The following STK17B variants were observed in gnomAD, a reference collection of about 807,000 sequenced individuals.
STK17B encodes the protein serine/threonine-protein kinase 17B.
In STK17B, 21 loss-of-function variants were observed where a neutral mutation model predicts 42.0. That is an observed-to-expected ratio of 0.50 (90% confidence interval 0.35 to 0.72). STK17B has a LOEUF of 0.72. Ranked by LOEUF, STK17B falls within the 30% of genes least tolerant of loss-of-function variation. The pLI is 0.00. For synonymous variants in STK17B, 143 were observed against 148.4 expected (o/e 0.96, Z 0.26); for missense variants, 349 against 446.0 (o/e 0.78, Z 1.96).
At chr2:196,162,676 T>C (rs1025323701) in intron 2 of STK17B, among the ~76,000 whole-genome samples, 3 of 151,894 alleles carry the variant, frequency 2.0e-5, no homozygotes, top group Non-Finnish European at 2.9e-5. Context: ...GGCCAGAGGA[T>C]TGCTTGAACC....
intron 3 of STK17B, chr2:196,156,111 C>G (rs933114646): frequency 5.8e-6 from 1 of 172,176 alleles, no homozygotes; most frequent in Admixed American, 6.2e-5. Flanking sequence ...AGAAAATATA[C>G]AAATTACTTC....
At chr2:196,147,146 C>T (rs1486995636) in intron 3 of STK17B, among the ~76,000 whole-genome samples, 2 of 152,092 alleles carry the variant, frequency 1.3e-5, no homozygotes, top group Non-Finnish European at 2.9e-5. Context: ...ATTAGAACAT[C>T]ATGCAAAAAC....
At chr2:196,153,413 G>C (rs2105698020) in intron 3 of STK17B, 1 of 152,294 alleles carries the variant, frequency 6.6e-6, no homozygotes, top group Non-Finnish European at 1.5e-5. Flanking sequence ...TGCATATATA[G>C]AATGTGAGAA....
upstream of STK17B, among the ~76,000 whole-genome samples, chr2:196,175,396 C>A (rs189191369): frequency 1.3e-5 from 2 of 152,200 alleles, no homozygotes; most frequent in Non-Finnish European, 1.5e-5. Flanking sequence ...GAGGCCAAGG[C>A]GGGCAGATGA....
rs1699565989 is a variant in STK17B at position 196,145,878 on chromosome 2, G to A, written c.480+33C>T. The A allele has an allele frequency of 2.0e-6, 3 of 1,527,918 alleles. No individual in the cohort carries two copies. The South Asian group carries it at 3.9e-5, about 20-fold the overall frequency. 94.6% of individuals were successfully genotyped at this position (1,527,918 alleles called of 1,614,324 possible). A position where few individuals can be genotyped will look rare whatever the true frequency, so the allele number is the denominator to read the frequency against. On this transcript the variant is annotated intron_variant, in intron 4 of 7. Transcript: ENST00000263955. Reference sequence around the variant, plus strand: ...ATACTAAGAGCAGAAGAAGAACACAGATGTTGCATTACTTTAAATCACGTT... The same window carrying A: ...ATACTAAGAGCAGAAGAAGAACACAAATGTTGCATTACTTTAAATCACGTT...
Position 196,163,247 on chromosome 2 carries a change from A to G in STK17B, c.122+15T>C. ...TTTGAATTTAGATGGCATACACGTCATATGGTTTTCTTACCTCCCTAGCTC... is the reference window on the plus strand; with the variant it reads ...TTTGAATTTAGATGGCATACACGTCGTATGGTTTTCTTACCTCCCTAGCTC... On this transcript the variant is annotated intron_variant, in intron 2 of 7. Transcript: ENST00000263955. 1 of 1,608,708 alleles carries G rather than the reference A, an allele frequency of 6.2e-7. No homozygotes were observed.
Position 196,163,193 on chromosome 2 carries a change from T to C in STK17B, c.122+69A>G, listed in dbSNP as rs891799110. 3.9e-5 allele frequency: 60 copies of C among 1,549,844 alleles called. No individual in the cohort carries two copies. In the East Asian group the frequency reaches 1.3e-3, roughly 34 times the overall value. ...TTAAATAATGATCCCAAGTGAGTTTTATAGAATTATAAAAACACAAATCCA... is the reference window on the plus strand; with the variant it reads ...TTAAATAATGATCCCAAGTGAGTTTCATAGAATTATAAAAACACAAATCCA... On this transcript the variant is annotated intron_variant, in intron 2 of 7. Transcript: ENST00000263955.
chr2:196,133,819 A>G lies in STK17B; in HGVS notation c.*3628T>C, dbSNP rs1442874827. 1 of 152,240 alleles carries G rather than the reference A, an allele frequency of 6.6e-6. No homozygotes were observed. The highest frequency in any genetic ancestry group is 2.4e-5 in the African/African-American group (1 of 41,466). The allele number at this position is 152,240 out of a possible 1,614,324, so 9.4% of individuals were successfully genotyped here. ...CTGTCTATATGCCTTAAGCAAGATT[A>G]TTATTTAATAAAATATGGCAGGAAG... is the stretch of plus-strand genomic sequence containing the variant. On this transcript the variant is annotated 3_prime_UTR_variant, in exon 8 of 8. Transcript: ENST00000263955.
intron 5 of STK17B, among the ~76,000 whole-genome samples, chr2:196,142,962 A>C (rs187332740): frequency 1.8e-3 from 269 of 152,354 alleles, no homozygotes; most frequent in African/African-American, 5.9e-3. Flanking sequence ...TGCATAATCT[A>C]ATTTGTTGAT....
chr2:196,152,794 CAT>C (rs1699683504), intron 3 of STK17B, among the ~76,000 whole-genome samples: 1 of 151,894 alleles, frequency 6.6e-6, no homozygotes, highest in Non-Finnish European at 1.5e-5. Flanking sequence ...CAAGAAGAAA[CAT>C]ATAAAGAATG....
chr2:196,150,873 C>T (rs1432903607), intron 3 of STK17B, among the ~76,000 whole-genome samples: 1 of 152,220 alleles, frequency 6.6e-6, no homozygotes, highest in Non-Finnish European at 1.5e-5. Flanking sequence ...GAATACCAAT[C>T]TCCCTTTTTG....
At chr2:196,143,814 T>C in intron 4 of STK17B, 128 bp from the exon 5 acceptor site, 2 of 799,760 alleles carry the variant, frequency 2.5e-6, no homozygotes, top group Non-Finnish European at 1.7e-6. Flanking sequence ...GCATCAAACA[T>C]TTACTGACTT....
In STK17B at chr2:196,140,176, A is replaced by G. The variant is rs1699473224; in HGVS notation, c.657-377T>C. Among the ~76,000 whole-genome samples, 5 of 152,376 alleles carry G rather than the reference A, an allele frequency of 3.3e-5. No homozygotes were observed. The South Asian group carries it at 1.0e-3, about 32-fold the overall frequency. ...GAGGTTCTGCACAAATAGAGGCTGC[A>G]AGTTTGGCGAAGCACAAAGCTGGGC... On this transcript the variant is annotated intron_variant, in intron 6 of 7. Coordinates refer to ENST00000263955, the MANE Select transcript of STK17B (RefSeq NM_004226.4).
chr2:196,137,594 C>G lies in STK17B; in HGVS notation c.972G>C (p.Lys324Asn). Residue 324 changes from lysine (K) to asparagine (N), a missense_variant, in exon 8 of 8, where the codon AAG (lysine) becomes AAC (asparagine). Lys to Asn is a moderately conservative substitution (Grantham distance 94). Transcript: ENST00000263955. ...QDHSVRSSEDKTSKSSCNGTC... is the reference protein window; with the variant it reads ...QDHSVRSSEDNTSKSSCNGTC... ...TTCCATTACAGGAGGATTTAGAAGT[C>G]TTGTCTTCAGAGGACCTTACAGAAT... The G allele has an allele frequency of 6.2e-7, 1 of 1,614,114 alleles. No homozygotes were observed. The highest frequency in any genetic ancestry group is 8.5e-7 in the Non-Finnish European group (1 of 1,180,002).
chr2:196,160,350 G>C (rs1699794937), intron 2 of STK17B, among the ~76,000 whole-genome samples: 1 of 152,110 alleles, frequency 6.6e-6, no homozygotes, highest in South Asian at 2.1e-4. Context: ...CCTCAGTTGG[G>C]GGAGGGGTAG....
intron 1 of STK17B, chr2:196,165,587 T>C (rs1699866368): frequency 6.6e-6 from 1 of 152,202 alleles, no homozygotes; most frequent in South Asian, 2.1e-4. Context: ...ACTTGCCCAA[T>C]TCAGACTTTT....
chr2:196,144,839 C>A (rs1699548665), intron 4 of STK17B, among the ~76,000 whole-genome samples: 1 of 152,124 alleles, frequency 6.6e-6, no homozygotes, highest in Non-Finnish European at 1.5e-5. Flanking sequence ...TTATAACAGT[C>A]GCTTAACTTT....
At chr2:196,169,718 A>C (rs377691096) in intron 1 of STK17B, among the ~76,000 whole-genome samples, 2 of 152,160 alleles carry the variant, frequency 1.3e-5, no homozygotes, top group African/African-American at 2.4e-5. Context: ...CTTCCTAAAA[A>C]CGCATTCTAT....
upstream of STK17B, among the ~76,000 whole-genome samples, chr2:196,173,922 T>C (rs1397451462): frequency 6.6e-6 from 1 of 152,034 alleles, no homozygotes; most frequent in Non-Finnish European, 1.5e-5. Flanking sequence ...AATGAGATAA[T>C]ATGAGTGGCC....
Sources: gnomAD v4.1 joint callset for allele counts (sites outside exome capture counted in the v4.1 genomes callset) on GRCh38, gnomAD v4.1.1 for gene constraint, MANE v1.5 for transcripts, NCBI Gene and HGNC (gene_info 2026-07-23, HGNC 2026-07-21) for gene names.